The following TAF8 variants were observed in gnomAD, a reference collection of about 807,000 sequenced individuals.
The protein encoded by TAF8 is transcription initiation factor TFIID subunit 8.
TAF8 carries 47 observed loss-of-function variants against 36.5 expected under a neutral mutation model. The ratio of observed to expected loss-of-function variants is 1.29; its 90% CI spans 1.02 to 1.64. TAF8 has a LOEUF of 1.64. Among genes scored for constraint, TAF8 ranks in the 40% most tolerant of loss-of-function variants. TAF8 has a pLI of 0.00. For synonymous variants in TAF8, 175 were observed against 159.5 expected (o/e 1.10, Z -0.73); for missense variants, 420 against 407.6 (o/e 1.03, Z -0.26).
chr6:42,082,806 A>T lies in TAF8; in HGVS notation c.*5261A>T, dbSNP rs1411818481. The T allele has an allele frequency of 6.6e-6, 1 of 152,182 alleles. No homozygotes were observed. Among genetic ancestry groups the T allele is most frequent in the Non-Finnish European group, 1.5e-5 (1 of 68,040 alleles). 9.4% of individuals were successfully genotyped at this position (152,182 alleles called of 1,614,324 possible). On this transcript the variant is annotated 3_prime_UTR_variant, in exon 9 of 9. Coordinates refer to ENST00000372977, the MANE Select transcript of TAF8 (RefSeq NM_138572.3). Reference sequence around the variant, plus strand: ...ACCATTCACGCATTGAGACAAAAAAAGTTCTTAATTCTGCGAACATCAACT... The same window carrying T: ...ACCATTCACGCATTGAGACAAAAAATGTTCTTAATTCTGCGAACATCAACT...
Position 42,079,584 on chromosome 6 carries a change from A to G in TAF8, c.*2039A>G, listed in dbSNP as rs368076545. The stretch of plus-strand genomic sequence containing the variant: ...ACAGTTCAACTCCTTTTATTTTGAG[A>G]CAGGGTCTCGCTGTGTCGCCCCAGC... On this transcript the variant is annotated 3_prime_UTR_variant, in exon 9 of 9. Coordinates refer to ENST00000372977, the MANE Select transcript of TAF8 (RefSeq NM_138572.3). The G allele has an allele frequency of 2.2e-5, 22 of 984,864 alleles. 1 individual carries two copies. In the East Asian group the frequency reaches 4.5e-4, roughly 20 times the overall value. 61.0% of individuals were successfully genotyped at this position (984,864 alleles called of 1,614,324 possible).
At chr6:42,068,356 A>G (rs1012986595) in intron 6 of TAF8, 109 bp from the exon 7 acceptor site, 1 of 1,186,858 alleles carries the variant, frequency 8.4e-7, no homozygotes, top group African/African-American at 1.5e-5. Context: ...CGAGTTAGCT[A>G]GTATTATCTT....
chr6:42,085,945 A>G (rs1766018434), downstream of TAF8, among the ~76,000 whole-genome samples: 1 of 152,258 alleles, frequency 6.6e-6, no homozygotes, highest in Non-Finnish European at 1.5e-5. Flanking sequence ...AGATCGCACC[A>G]TGGCCCTCCA....
In TAF8 at chr6:42,079,027, C is replaced by A; in HGVS notation, c.*1482C>A. ...ATCCCAGCTACTCGGGAGGCTGAGG[C>A]AGGAGAATCACTTGAACCTGGGAGG... On this transcript the variant is annotated 3_prime_UTR_variant, in exon 9 of 9. Transcript: ENST00000372977. 1.8e-6 allele frequency: 1 copy of A among 561,906 alleles called. No individual in the cohort carries two copies. The highest frequency in any genetic ancestry group is 2.3e-6 in the Non-Finnish European group (1 of 443,030). 34.8% of individuals were successfully genotyped at this position (561,906 alleles called of 1,614,324 possible).
chr6:42,066,150 C>T (rs1765353123), intron 5 of TAF8, among the ~76,000 whole-genome samples, 162 bp from the exon 6 acceptor site: 1 of 152,208 alleles, frequency 6.6e-6, no homozygotes, highest in African/African-American at 2.4e-5. Flanking sequence ...ATCCACCAGC[C>T]TTGGCCTCCC....
chr6:42,085,116 C>T (rs1766006531), downstream of TAF8, among the ~76,000 whole-genome samples: 1 of 152,132 alleles, frequency 6.6e-6, no homozygotes, highest in African/African-American at 2.4e-5. Flanking sequence ...ACATTTTTCC[C>T]TTTTTTTATA....
chr6:42,073,489 G>A (rs923533306), intron 7 of TAF8, among the ~76,000 whole-genome samples: 10 of 152,184 alleles, frequency 6.6e-5, no homozygotes, highest in Non-Finnish European at 1.0e-4. Context: ...AACAGTAGGG[G>A]AAGATCCAGG....
At chr6:42,069,982 A>G (rs550123831) in intron 7 of TAF8, among the ~76,000 whole-genome samples, 182 of 152,268 alleles carry the variant, frequency 1.2e-3, no homozygotes, top group African/African-American at 4.3e-3. Flanking sequence ...GGTGGCTCCA[A>G]TGGTAGGAGG....
chr6:42,051,318 CCTT>C (rs1313939015), intron 1 of TAF8, 36 bp from the exon 2 acceptor site: 1 of 1,592,060 alleles, frequency 6.3e-7, no homozygotes, highest in Admixed American at 1.7e-5. Flanking sequence ...GTGATTGCAT[CCTT>C]CTCCTGTGGA....
intron 7 of TAF8, among the ~76,000 whole-genome samples, chr6:42,076,601 C>G (rs1383891096): frequency 6.6e-6 from 1 of 152,158 alleles, no homozygotes; most frequent in Admixed American, 6.6e-5. Flanking sequence ...ATTGTTGGTA[C>G]CATGTTGCAA....
In TAF8 at chr6:42,051,343, C is replaced by G. The variant is rs764544003; in HGVS notation, c.46-14C>G. 1.0e-5 allele frequency: 16 copies of G among 1,605,424 alleles called. No individual in the cohort carries two copies. Among genetic ancestry groups the G allele is most frequent in the Non-Finnish European group, 2.6e-6 (3 of 1,173,024 alleles). ...CCTTCTCCTGTGGATGAAAATCTCT[C>G]TGCTGATTCACAGAGATCGGGAAGT... On this transcript the variant is annotated splice_polypyrimidine_tract_variant and intron_variant, in intron 1 of 8. Transcript: ENST00000372977.
chr6:42,071,104 C>G (rs1248086680), intron 7 of TAF8, among the ~76,000 whole-genome samples: 2 of 152,086 alleles, frequency 1.3e-5, no homozygotes, highest in African/African-American at 4.8e-5. Context: ...GCCCTTAAGG[C>G]TAATAGGGTT....
intron 6 of TAF8, 122 bp from the exon 7 acceptor site, chr6:42,068,343 G>T: frequency 1.9e-6 from 2 of 1,051,792 alleles, no homozygotes; most frequent in Admixed American, 1.9e-5. Flanking sequence ...TAAGTACTTG[G>T]AGCGAGTTAG....
In TAF8 at chr6:42,080,129, A is replaced by G. The variant is rs181892643; in HGVS notation, c.*2584A>G. 42 of 985,376 alleles carry G rather than the reference A, an allele frequency of 4.3e-5. No homozygotes were observed. In the African/African-American group the frequency reaches 7.1e-4, roughly 17 times the overall value. The allele number at this position is 985,376 out of a possible 1,614,324, so 61.0% of individuals were successfully genotyped here. On this transcript the variant is annotated 3_prime_UTR_variant, in exon 9 of 9. Transcript: ENST00000372977. The stretch of plus-strand genomic sequence containing the variant: ...TCTCAGGGTTTGTGATTCAGTTCTT[A>G]GCGATTCTTGGCCTGATAAGTTTAT...
At chr6:42,056,170 C>T (rs1764981732) in intron 4 of TAF8, 156 bp downstream of exon 4, 1 of 595,066 alleles carries the variant, frequency 1.7e-6, no homozygotes, top group Admixed American at 2.8e-5. Context: ...TTTATTTGGG[C>T]TAGTCTGATT....
chr6:42,058,090 A>C (rs1199041207), intron 5 of TAF8, among the ~76,000 whole-genome samples: 2 of 152,226 alleles, frequency 1.3e-5, no homozygotes, highest in Admixed American at 6.5e-5. Flanking sequence ...TACTTTAAAA[A>C]TATTTAGTAA....
downstream of TAF8, among the ~76,000 whole-genome samples, chr6:42,085,050 AC>A (rs1766005573): frequency 6.6e-6 from 1 of 152,182 alleles, no homozygotes; most frequent in Non-Finnish European, 1.5e-5. Flanking sequence ...AACCAGTGAT[AC>A]CAGTTTCTGA....
Position 42,068,585 on chromosome 6 carries a change from A to G in TAF8, c.758A>G (p.Asn253Ser). 1 of 1,613,604 alleles carries G rather than the reference A, an allele frequency of 6.2e-7. No individual in the cohort carries two copies. The highest frequency in any genetic ancestry group is 8.5e-7 in the Non-Finnish European group (1 of 1,179,998). The change falls in exon 7 of 9, where the codon AAC becomes AGC. Residue 253 changes from asparagine (N) to serine (S), a missense_variant. By Grantham distance (46) the Asn-to-Ser change is conservative. Transcript: ENST00000372977. ...CAGGATGAACAGACAGACACAGAGAACCTTGCTCTTCATATCAGCATGGTG... is the reference window on the plus strand; with the variant it reads ...CAGGATGAACAGACAGACACAGAGAGCCTTGCTCTTCATATCAGCATGGTG... ...SEQDEQTDTE[N>S]LALHISMEDS... is the part of the protein sequence containing the mutation.
At chr6:42,084,182 A>G (rs1245847320), downstream of TAF8, among the ~76,000 whole-genome samples, 3 of 139,382 alleles carry the variant, frequency 2.2e-5, no homozygotes, top group Non-Finnish European at 4.5e-5. Context: ...CTCTGTCTCA[A>G]AAAAAAAAAA....
Sources: gnomAD v4.1 joint callset for allele counts (sites outside exome capture counted in the v4.1 genomes callset) on GRCh38, gnomAD v4.1.1 for gene constraint, MANE v1.5 for transcripts, NCBI Gene and HGNC (gene_info 2026-07-23, HGNC 2026-07-21) for gene names.